Variants in FOXP2 observed in about 807,000 individuals in gnomAD.
The protein encoded by FOXP2 is forkhead box P2, also known as forkhead box protein P2.
FOXP2 carries 12 observed loss-of-function variants against 115.8 expected under a neutral mutation model. The ratio of observed to expected loss-of-function variants is 0.10; its 90% CI spans 0.07 to 0.17. The LOEUF is 0.17. Ranked by LOEUF, FOXP2 falls within the 10% of genes least tolerant of loss-of-function variation. The pLI, the probability that FOXP2 is intolerant of heterozygous loss-of-function variation, is 1.00. For synonymous variants in FOXP2, 328 were observed against 297.7 expected (o/e 1.10, Z -1.05); for missense variants, 629 against 843.5 (o/e 0.75, Z 3.15).
intron 3 of FOXP2, among the ~76,000 whole-genome samples, chr7:114,619,646 A>T (rs953295220): frequency 6.6e-6 from 1 of 152,046 alleles, no homozygotes; most frequent in East Asian, 1.9e-4. Flanking sequence ...TGGAATTTGT[A>T]TATCCAATTT....
At chr7:114,190,410 C>T (rs1409258069) in intron 1 of FOXP2, among the ~76,000 whole-genome samples, 1 of 152,168 alleles carries the variant, frequency 6.6e-6, no homozygotes, top group African/African-American at 2.4e-5. Flanking sequence ...TCCATTTCTC[C>T]TGCTCTTGGA....
chr7:114,100,729 A>C (rs556558459), intron 1 of FOXP2, among the ~76,000 whole-genome samples: 2 of 152,156 alleles, frequency 1.3e-5, no homozygotes, highest in Non-Finnish European at 2.9e-5. Flanking sequence ...GTACTCCTTC[A>C]CTTGTCATTA....
At chr7:114,688,036 C>G (rs531312380) in intron 16 of FOXP2, among the ~76,000 whole-genome samples, 4 of 150,444 alleles carry the variant, frequency 2.7e-5, no homozygotes, top group African/African-American at 7.3e-5. Flanking sequence ...ACAAGTAGTT[C>G]GTTAGTATGG....
intron 1 of FOXP2, among the ~76,000 whole-genome samples, chr7:114,232,021 A>G (rs1201658084): frequency 6.6e-6 from 1 of 152,190 alleles, no homozygotes; most frequent in African/African-American, 2.4e-5. Flanking sequence ...GCAAAAAAAC[A>G]AATAACTGAT....
At chr7:114,445,766 C>T (rs927465717) in intron 2 of FOXP2, among the ~76,000 whole-genome samples, 2 of 151,840 alleles carry the variant, frequency 1.3e-5, no homozygotes, top group Admixed American at 1.3e-4. Flanking sequence ...TAGTATAATC[C>T]TATTCTTCTA....
intron 9 of FOXP2, 108 bp downstream of exon 9, chr7:114,652,398 T>A (rs1806317742): frequency 1.1e-6 from 1 of 877,472 alleles, no homozygotes; most frequent in African/African-American, 1.7e-5. Context: ...TCTTAGCCAT[T>A]CAATACTAAT....
At chr7:114,628,798 G>A (rs1804734564) in intron 4 of FOXP2, 121 bp downstream of exon 4, 1 of 1,184,760 alleles carries the variant, frequency 8.4e-7, no homozygotes, top group Non-Finnish European at 1.2e-6. Context: ...CTATTAGCGT[G>A]CTAGAACATA....
intron 16 of FOXP2, among the ~76,000 whole-genome samples, chr7:114,676,649 G>A (rs571886512): frequency 6.6e-6 from 1 of 152,156 alleles, no homozygotes; most frequent in Non-Finnish European, 1.5e-5. Flanking sequence ...CATATCTATA[G>A]GGTTTTTTAA....
chr7:114,140,461 C>T (rs1275749713), intron 1 of FOXP2, among the ~76,000 whole-genome samples: 1 of 152,006 alleles, frequency 6.6e-6, no homozygotes. Flanking sequence ...TAGTGATGGC[C>T]CCTAGTGAGG....
At chr7:114,610,475 T>C (rs917731572) in intron 3 of FOXP2, among the ~76,000 whole-genome samples, 2 of 152,180 alleles carry the variant, frequency 1.3e-5, no homozygotes, top group Non-Finnish European at 2.9e-5. Context: ...AATTTTAAAA[T>C]ATATTTTAAT....
At chr7:114,569,160 T>G (rs913490296) in intron 3 of FOXP2, among the ~76,000 whole-genome samples, 15 of 152,050 alleles carry the variant, frequency 9.9e-5, no homozygotes, top group African/African-American at 3.6e-4. Flanking sequence ...TAGCATTTCA[T>G]TTTTTAAGGA....
rs1199645450 is a variant in FOXP2 at position 114,132,576 on chromosome 7, TGTGTGTGAGA to T, written c.-246-30366_-246-30357del. On this transcript the variant is annotated intron_variant, in intron 1 of 19. Transcript: ENST00000635638. ...GTGTGTGTGTGTGTGTGTGTGTGTG[TGTGTGTGAGA>T]GAGAGAGAGAGAGAGAGAGAGAGAG... Among the ~76,000 whole-genome samples the T allele has an allele frequency of 1.2e-3, 82 of 67,232 alleles. 2 individuals are homozygous for T. The highest frequency in any genetic ancestry group is 2.6e-3 in the Admixed American group (13 of 5,060). The allele number at this position is 67,232 out of a possible 152,430, so 44.1% of individuals were successfully genotyped here.
intron 2 of FOXP2, among the ~76,000 whole-genome samples, chr7:114,301,342 T>C (rs1311374733): frequency 6.6e-6 from 1 of 152,134 alleles, no homozygotes; most frequent in Non-Finnish European, 1.5e-5. Flanking sequence ...CACAAGTTTT[T>C]TAGTTTCACA....
chr7:114,280,594 T>A (rs1796308988), intron 1 of FOXP2, among the ~76,000 whole-genome samples: 1 of 152,168 alleles, frequency 6.6e-6, no homozygotes, highest in Admixed American at 6.6e-5. Flanking sequence ...AAAAGTGAGA[T>A]ACAGTAACTA....
chr7:114,135,464 A>G (rs560473675), intron 1 of FOXP2, among the ~76,000 whole-genome samples: 195 of 152,260 alleles, frequency 1.3e-3, no homozygotes, highest in African/African-American at 4.2e-3. Context: ...TATGAACAGT[A>G]GGTTTTAGAA....
At chr7:114,261,926 C>T (rs1473143814) in intron 1 of FOXP2, among the ~76,000 whole-genome samples, 10 of 151,890 alleles carry the variant, frequency 6.6e-5, no homozygotes, top group African/African-American at 1.9e-4. Context: ...GGCGTGGTGG[C>T]GGCCACCTGT....
At chr7:114,156,969 A>G (rs1792688829) in intron 1 of FOXP2, among the ~76,000 whole-genome samples, 1 of 152,144 alleles carries the variant, frequency 6.6e-6, no homozygotes, top group Non-Finnish European at 1.5e-5. Context: ...ATAAAAGCCA[A>G]TGACTTGGTT....
intron 3 of FOXP2, among the ~76,000 whole-genome samples, chr7:114,611,089 A>G (rs1213951379): frequency 6.6e-6 from 1 of 152,220 alleles, no homozygotes; most frequent in African/African-American, 2.4e-5. Context: ...TAAGTTATTC[A>G]GGAGTAATCA....
chr7:114,369,585 C>T (rs78201158), intron 2 of FOXP2, among the ~76,000 whole-genome samples: 179 of 152,048 alleles, frequency 1.2e-3, no homozygotes, highest in African/African-American at 3.6e-3. Flanking sequence ...TGCTTCATAT[C>T]GTGTCTCTCT....
Sources: allele counts gnomAD v4.1 joint callset (sites outside exome capture counted in the v4.1 genomes callset), GRCh38; gene constraint gnomAD v4.1.1; transcripts MANE v1.5; gene names NCBI Gene and HGNC (gene_info 2026-07-23, HGNC 2026-07-21).